The following CYP2C19 variants were observed in gnomAD, a reference collection of about 807,000 sequenced individuals.
The protein encoded by CYP2C19 is cytochrome P450 2C19.
Under a neutral mutation model 40.9 loss-of-function variants are expected in CYP2C19, and 59 were observed. The observed-to-expected ratio is 1.44, with a 90% CI of 1.17 to 1.79. The LOEUF (loss-of-function observed/expected upper bound fraction) is 1.79. CYP2C19 is among the 40% of genes most tolerant of loss of function. CYP2C19 has a pLI of 0.00. For missense variants in CYP2C19, 754 were observed against 596.9 expected (o/e 1.26, Z -2.74); for synonymous variants, 253 against 208.7 (o/e 1.21, Z -1.83).
At chr10:94,766,201 CAACAGTCATTTGCCAGGGAAGG>C (rs146441581) in intron 1 of CYP2C19, among the ~76,000 whole-genome samples, 25,195 of 151,826 alleles carry the variant, frequency 0.17, 2,299 homozygotes, top group South Asian at 0.33. Context: ...GATACAAAGC[CAACAGTCATTTGCCAGGGAAGG>C]ATTGGACTGG....
At chr10:94,798,614 G>T (rs1848721351) in intron 5 of CYP2C19, among the ~76,000 whole-genome samples, 1 of 152,002 alleles carries the variant, frequency 6.6e-6, no homozygotes, top group Admixed American at 6.6e-5. Context: ...CATTATTATT[G>T]TGTGGGAGCC....
At chr10:94,816,685 G>A (rs1220334293) in intron 5 of CYP2C19, among the ~76,000 whole-genome samples, 8 of 147,076 alleles carry the variant, frequency 5.4e-5, no homozygotes, top group African/African-American at 1.8e-4. Context: ...CCACTAACTC[G>A]TCATCTAGCC....
intron 6 of CYP2C19, among the ~76,000 whole-genome samples, chr10:94,821,797 T>A (rs1476266364): frequency 6.6e-6 from 1 of 150,850 alleles, no homozygotes; most frequent in Non-Finnish European, 1.5e-5. Context: ...TTTTTTCAAC[T>A]TTTTTTTATA....
intron 7 of CYP2C19, among the ~76,000 whole-genome samples, chr10:94,847,097 T>A (rs984846967): frequency 1.3e-5 from 2 of 151,826 alleles, no homozygotes; most frequent in Non-Finnish European, 2.9e-5. Flanking sequence ...ATTATTATAC[T>A]GTAAGTTTTA....
chr10:94,826,675 G>A (rs535781619), intron 6 of CYP2C19, among the ~76,000 whole-genome samples: 2 of 152,062 alleles, frequency 1.3e-5, no homozygotes, highest in African/African-American at 2.4e-5. Flanking sequence ...AATTGCCCTG[G>A]CCAGAACTTC....
rs556310060 is a variant in CYP2C19 at position 94,813,638 on chromosome 10, C to G, written c.820-6858C>G. 1.2e-4 allele frequency among the ~76,000 whole-genome samples: 18 copies of G among 152,008 alleles called. No individual in the cohort carries two copies. In the East Asian group the frequency reaches 1.9e-3, roughly 16 times the overall value. ...ATGGCAGACTCCCCTCAACACCCCC[C>G]CCAAGCTCGAACATCCCCAGTCAAC... is the stretch of plus-strand genomic sequence containing the variant. On this transcript the variant is annotated intron_variant, in intron 5 of 8. Transcript: ENST00000371321.
In CYP2C19 at chr10:94,775,050, T is replaced by C; in HGVS notation, c.169-8T>C. 1 of 1,613,852 alleles carries C rather than the reference T, an allele frequency of 6.2e-7. No individual in the cohort carries two copies. Among genetic ancestry groups the C allele is most frequent in the Non-Finnish European group, 8.5e-7 (1 of 1,179,842 alleles). On this transcript the variant is annotated splice_region_variant and splice_polypyrimidine_tract_variant and intron_variant, in intron 1 of 8. Coordinates refer to ENST00000371321, the MANE Select transcript of CYP2C19 (RefSeq NM_000769.4). ...TTCATTTGCTGTTAACTGTATCTCC[T>C]TTTCTAGCTCTCAAAAATCTATGGC...
At chr10:94,771,335 G>A (rs536598953) in intron 1 of CYP2C19, among the ~76,000 whole-genome samples, 8 of 152,226 alleles carry the variant, frequency 5.3e-5, no homozygotes, top group South Asian at 2.1e-4. Flanking sequence ...GGATACGGGG[G>A]TAAGCTGAAA....
At chr10:94,836,271 G>T (rs1849401775) in intron 6 of CYP2C19, among the ~76,000 whole-genome samples, 1 of 152,194 alleles carries the variant, frequency 6.6e-6, no homozygotes, top group African/African-American at 2.4e-5. Flanking sequence ...GCCTGCTACT[G>T]CTGCCACTAC....
intron 6 of CYP2C19, among the ~76,000 whole-genome samples, chr10:94,824,679 A>C (rs946026010): frequency 1.3e-5 from 2 of 152,054 alleles, no homozygotes; most frequent in Non-Finnish European, 2.9e-5. Flanking sequence ...ATTATACTTT[A>C]AGTTTTAGGG....
chr10:94,784,527 T>C (rs1004102588), intron 5 of CYP2C19, among the ~76,000 whole-genome samples: 5 of 152,260 alleles, frequency 3.3e-5, no homozygotes, highest in African/African-American at 1.2e-4. Flanking sequence ...GAAGGATTTC[T>C]GTTTCTCCAC....
intron 6 of CYP2C19, among the ~76,000 whole-genome samples, chr10:94,835,849 G>A (rs2134281468): frequency 6.6e-6 from 1 of 152,244 alleles, no homozygotes; most frequent in East Asian, 1.9e-4. Context: ...CTGAGCACTA[G>A]TTCCTGGTGT....
chr10:94,804,249 C>G (rs558763824), intron 5 of CYP2C19, among the ~76,000 whole-genome samples: 112 of 152,252 alleles, frequency 7.4e-4, no homozygotes, highest in African/African-American at 2.5e-3. Context: ...AATGTCATCA[C>G]CCAGGAGAAC....
intron 5 of CYP2C19, among the ~76,000 whole-genome samples, chr10:94,805,700 A>C (rs919913158): frequency 6.6e-6 from 1 of 152,182 alleles, no homozygotes; most frequent in Middle Eastern, 3.2e-3. Flanking sequence ...CCTGGGCAAC[A>C]TGGTGAAACC....
chr10:94,790,365 A>C (rs1848590587), intron 5 of CYP2C19, among the ~76,000 whole-genome samples: 1 of 152,166 alleles, frequency 6.6e-6, no homozygotes, highest in Non-Finnish European at 1.5e-5. Flanking sequence ...TGCCCTGGGC[A>C]GAACTTCCAA....
chr10:94,827,368 A>G (rs989415640), intron 6 of CYP2C19, among the ~76,000 whole-genome samples: 4 of 151,852 alleles, frequency 2.6e-5, no homozygotes, highest in African/African-American at 9.7e-5. Flanking sequence ...CAGAGATTCA[A>G]CTTCTTCCTG....
In CYP2C19 at chr10:94,817,751, C is replaced by T. The variant is rs531679576; in HGVS notation, c.820-2745C>T. Among the ~76,000 whole-genome samples, 11 of 152,128 alleles carry T rather than the reference C, an allele frequency of 7.2e-5. No individual in the cohort carries two copies. The South Asian group carries it at 8.3e-4, about 11-fold the overall frequency. On this transcript the variant is annotated intron_variant, in intron 5 of 8. Coordinates refer to ENST00000371321, the MANE Select transcript of CYP2C19 (RefSeq NM_000769.4). ...ATCTTTGGCCGGGTGCGGTGGCTCACACCTGTAATCCCGGCACTTTGGGAG... is the reference window on the plus strand; with the variant it reads ...ATCTTTGGCCGGGTGCGGTGGCTCATACCTGTAATCCCGGCACTTTGGGAG...
intron 5 of CYP2C19, among the ~76,000 whole-genome samples, chr10:94,804,434 C>T (rs925865718): frequency 1.3e-5 from 2 of 152,238 alleles, no homozygotes; most frequent in African/African-American, 4.8e-5. Context: ...TGATGCCAGG[C>T]TGCCAAAGAA....
intron 5 of CYP2C19, among the ~76,000 whole-genome samples, chr10:94,809,386 A>C (rs565968329): frequency 6.6e-6 from 1 of 152,152 alleles, no homozygotes; most frequent in Non-Finnish European, 1.5e-5. Flanking sequence ...TCTGTGGGTT[A>C]TCTTTTCACT....
Sources: gnomAD v4.1 joint callset for allele counts (sites outside exome capture counted in the v4.1 genomes callset) on GRCh38, gnomAD v4.1.1 for gene constraint, MANE v1.5 for transcripts, NCBI Gene and HGNC (gene_info 2026-07-23, HGNC 2026-07-21) for gene names.